Variants in ZGRF1 observed in about 807,000 individuals in gnomAD.
ZGRF1 encodes 5'-3' DNA helicase ZGRF1.
Under a neutral mutation model 203.5 loss-of-function variants are expected in ZGRF1, and 196 were observed. That is an observed-to-expected ratio of 0.96 (90% CI 0.86 to 1.08). ZGRF1 has a LOEUF of 1.08. ZGRF1 is among the 50% of genes least tolerant of loss of function. The probability of loss-of-function intolerance (pLI) is 0.00; values close to 1 mark genes in which losing one functional copy is unlikely to be tolerated. For synonymous variants in ZGRF1, 809 were observed against 841.3 expected, an observed-to-expected ratio of 0.96 and a Z score of 0.66; for missense variants, 2,326 against 2,416.3, an observed-to-expected ratio of 0.96 and a Z score of 0.78.
At chr4:112,576,231 G>C (rs567547558) in intron 16 of ZGRF1, among the ~76,000 whole-genome samples, 1 of 152,212 alleles carries the variant, frequency 6.6e-6, no homozygotes, top group African/African-American at 2.4e-5. Flanking sequence ...ACTGTTAGAG[G>C]GAAAATTAAC....
At chr4:112,554,567 A>C in intron 21 of ZGRF1, 138 bp downstream of exon 21, 1 of 571,772 alleles carries the variant, frequency 1.7e-6, no homozygotes, top group Middle Eastern at 2.9e-4. Context: ...TTCTCAGCAA[A>C]ATACAGATTT....
intron 3 of ZGRF1, among the ~76,000 whole-genome samples, chr4:112,624,647 T>G (rs778130351): frequency 1.3e-4 from 20 of 151,826 alleles, no homozygotes; most frequent in Non-Finnish European, 1.9e-4. Context: ...ATAAAACTTG[T>G]TAAATGTGAG....
chr4:112,598,629 TATTA>T (rs1227403740), intron 10 of ZGRF1, among the ~76,000 whole-genome samples: 3 of 152,058 alleles, frequency 2.0e-5, no homozygotes, highest in Non-Finnish European at 4.4e-5. Flanking sequence ...AAGGTGCTTT[TATTA>T]ATTAATAATA....
At chr4:112,546,952 A>G (rs1352459134) in intron 24 of ZGRF1, 2 of 161,236 alleles carry the variant, frequency 1.2e-5, no homozygotes, top group East Asian at 1.8e-4. Flanking sequence ...TTCAACCCCA[A>G]TTAAAAAATG....
At chr4:112,603,477 C>T in intron 10 of ZGRF1, 47 bp downstream of exon 10, 1 of 1,373,644 alleles carries the variant, frequency 7.3e-7, no homozygotes, top group Non-Finnish European at 1.0e-6. Flanking sequence ...GTAGTATTAA[C>T]ATAAAGAAAA....
At chr4:112,612,739 G>A in intron 6 of ZGRF1, 151 bp from the exon 7 acceptor site, 1 of 547,918 alleles carries the variant, frequency 1.8e-6, no homozygotes, top group Non-Finnish European at 3.3e-6. Context: ...TAGCACTTGA[G>A]GATTCACTGT....
chr4:112,598,247 T>C (rs1401081845), intron 10 of ZGRF1, among the ~76,000 whole-genome samples: 1 of 152,174 alleles, frequency 6.6e-6, no homozygotes, highest in Non-Finnish European at 1.5e-5. Flanking sequence ...ATGAAAAGTA[T>C]GTGTGAATTC....
chr4:112,559,995 A>G (rs937425984), intron 19 of ZGRF1, among the ~76,000 whole-genome samples: 1 of 152,234 alleles, frequency 6.6e-6, no homozygotes, highest in Admixed American at 6.5e-5. Context: ...AGAGAATATG[A>G]GGAGGATTAA....
At chr4:112,551,801 A>G (rs918534188) in intron 22 of ZGRF1, among the ~76,000 whole-genome samples, 1 of 152,048 alleles carries the variant, frequency 6.6e-6, no homozygotes, top group Non-Finnish European at 1.5e-5. Context: ...ATTTAAAGAA[A>G]TATCTAATAC....
chr4:112,619,557 G>A lies in ZGRF1; in HGVS notation c.485C>T (p.Pro162Leu), dbSNP rs2046997685. 6.2e-7 allele frequency: 1 copy of A among 1,613,894 alleles called. No individual in the cohort carries two copies. The highest frequency in any genetic ancestry group is 1.7e-5 in the Admixed American group (1 of 59,986). ...SPFCSMPPLFPTVGKKDVNNI... is the reference protein window; with the variant it reads ...SPFCSMPPLFLTVGKKDVNNI... ...ATTTACATCTTTCTTGCCAACAGTA[G>A]GAAACAAAGGAGGCATGCTGCAGAA... Residue 162 changes from proline (P) to leucine (L), a missense_variant, in exon 6 of 28, where the codon CCT becomes CTT. Physicochemically the swap from Pro to Leu is moderately conservative, Grantham distance 98. Transcript: ENST00000505019.
At chr4:112,611,466 A>T (rs557446101) in intron 7 of ZGRF1, among the ~76,000 whole-genome samples, 6 of 152,342 alleles carry the variant, frequency 3.9e-5, no homozygotes, top group Middle Eastern at 3.4e-3. Flanking sequence ...TTTGTTCCAA[A>T]CATGTCTGTA....
intron 22 of ZGRF1, among the ~76,000 whole-genome samples, chr4:112,553,352 A>G (rs1740315465): frequency 6.6e-6 from 1 of 152,192 alleles, no homozygotes; most frequent in Admixed American, 6.5e-5. Context: ...TTGGCTTCCA[A>G]TACCTGGAAG....
intron 5 of ZGRF1, 27 bp downstream of exon 5, chr4:112,619,975 T>C (rs963125083): frequency 1.3e-5 from 20 of 1,496,144 alleles, no homozygotes; most frequent in Non-Finnish European, 1.8e-5. Flanking sequence ...TATATTTTGA[T>C]ATATTATTTT....
At chr4:112,550,108 C>T (rs977595703) in intron 22 of ZGRF1, among the ~76,000 whole-genome samples, 2 of 151,912 alleles carry the variant, frequency 1.3e-5, no homozygotes, top group Non-Finnish European at 2.9e-5. Flanking sequence ...AGGAGAATGG[C>T]GTGAACCCGG....
chr4:112,563,134 T>TAC lies in ZGRF1; in HGVS notation c.4578_4579insGT (p.Asn1527ValfsTer17). On this transcript the variant is annotated frameshift_variant, in exon 17 of 28. Coordinates refer to ENST00000505019, the MANE Select transcript of ZGRF1 (RefSeq NM_018392.5). LOFTEE classifies it high-confidence loss of function. ...AAATGAGCATAGTAATACTCACTGTTAGTGGGCCAATTAGAAGGGAAATAG... is the reference window on the plus strand; with the variant it reads ...AAATGAGCATAGTAATACTCACTGTTACAGTGGGCCAATTAGAAGGGAAATAG... 1 of 1,547,850 alleles carries TAC rather than the reference T, an allele frequency of 6.5e-7. No individual in the cohort carries two copies. The highest frequency in any genetic ancestry group is 8.7e-7 in the Non-Finnish European group (1 of 1,144,412).
At chr4:112,556,607 T>A (rs989682861) in intron 20 of ZGRF1, among the ~76,000 whole-genome samples, 4 of 152,150 alleles carry the variant, frequency 2.6e-5, no homozygotes, top group Non-Finnish European at 5.9e-5. Flanking sequence ...TTGGCCAGGC[T>A]AGTCTTGAAC....
intron 6 of ZGRF1, among the ~76,000 whole-genome samples, chr4:112,616,154 C>T (rs2046861486): frequency 6.6e-6 from 1 of 152,048 alleles, no homozygotes; most frequent in South Asian, 2.1e-4. Flanking sequence ...TGGAAGCTAT[C>T]TTGTATTGCA....
chr4:112,590,336 C>T (rs1747941471), intron 10 of ZGRF1, among the ~76,000 whole-genome samples: 2 of 152,136 alleles, frequency 1.3e-5, no homozygotes, highest in Non-Finnish European at 2.9e-5. Flanking sequence ...TAAATACATG[C>T]CAGCTATACA....
In ZGRF1 at chr4:112,539,618, CA is replaced by C; in HGVS notation, c.6243del (p.Phe2081LeufsTer36). 1 of 1,594,194 alleles carries C rather than the reference CA, an allele frequency of 6.3e-7. No individual in the cohort carries two copies. Among genetic ancestry groups the C allele is most frequent in the South Asian group, 1.1e-5 (1 of 87,906 alleles). ...PQLNHLLKDYFEKQVEEKQKK... is the reference protein window; with the variant it reads ...PQLNHLLKDYXEKQVEEKQKK... ...TTCTGTTTTTCTTCCACTTGTTTTTCAAAATAATCTTTAAGGAGATGGTTCA... is the reference window on the plus strand; with the variant it reads ...TTCTGTTTTTCTTCCACTTGTTTTTCAAATAATCTTTAAGGAGATGGTTCA... On this transcript the variant is annotated frameshift_variant, in exon 28 of 28. Transcript: ENST00000505019. LOFTEE classifies it high-confidence loss of function.
Sources: allele counts gnomAD v4.1 joint callset (sites outside exome capture counted in the v4.1 genomes callset), GRCh38; gene constraint gnomAD v4.1.1; transcripts MANE v1.5; gene names NCBI Gene and HGNC (gene_info 2026-07-23, HGNC 2026-07-21).